The following DDX10 variants were observed in gnomAD, a reference collection of about 807,000 sequenced individuals.
DDX10 encodes the protein DEAD-box helicase 10.
Under a neutral mutation model 104.3 loss-of-function variants are expected in DDX10, and 74 were observed. The observed-to-expected ratio is 0.71, with a 90% CI of 0.59 to 0.86. The LOEUF is 0.86. Among genes scored for constraint, DDX10 ranks in the 40% least tolerant of loss-of-function variants. The pLI, the probability that DDX10 is intolerant of heterozygous loss-of-function variation, is 0.00. For missense variants in DDX10, 952 were observed against 1,040.0 expected (o/e 0.92, Z 1.16); for synonymous variants, 351 against 353.4 (o/e 0.99, Z 0.08).
intron 9 of DDX10, 119 bp downstream of exon 9, chr11:108,693,719 T>C: frequency 1.3e-6 from 1 of 769,314 alleles, no homozygotes; most frequent in African/African-American, 1.7e-5. Context: ...TGGCATTTTG[T>C]GGTGTGAGTT....
At chr11:108,693,433 G>A (rs560501559) in intron 8 of DDX10, 83 bp from the exon 9 acceptor site, 201 of 984,900 alleles carry the variant, frequency 2.0e-4, no homozygotes, top group Non-Finnish European at 3.0e-4. Context: ...GAAAAGTCCT[G>A]GCAAGCAATA....
At chr11:108,806,421 G>T (rs779918428) in intron 13 of DDX10, among the ~76,000 whole-genome samples, 9 of 152,098 alleles carry the variant, frequency 5.9e-5, no homozygotes, top group African/African-American at 9.7e-5. Context: ...TGGTATGTAG[G>T]ATATCCATAC....
intron 16 of DDX10, among the ~76,000 whole-genome samples, chr11:108,913,467 G>T (rs1227148215): frequency 1.3e-5 from 2 of 152,224 alleles, no homozygotes; most frequent in Non-Finnish European, 2.9e-5. Context: ...ATAAGCATTT[G>T]TCTCACATGA....
chr11:108,808,517 A>G (rs545631163), intron 13 of DDX10, among the ~76,000 whole-genome samples: 4 of 152,308 alleles, frequency 2.6e-5, no homozygotes, highest in Admixed American at 2.0e-4. Flanking sequence ...TCCTTTAGCC[A>G]CATTGTAGAA....
chr11:108,709,247 C>G (rs2094280773), intron 10 of DDX10, among the ~76,000 whole-genome samples: 1 of 152,170 alleles, frequency 6.6e-6, no homozygotes, highest in South Asian at 2.1e-4. Flanking sequence ...TGAGGACTTG[C>G]ATCTATCATT....
At chr11:108,748,082 A>T (rs2094334015) in intron 13 of DDX10, among the ~76,000 whole-genome samples, 1 of 152,142 alleles carries the variant, frequency 6.6e-6, no homozygotes, top group Admixed American at 6.5e-5. Flanking sequence ...AGCAAAACTA[A>T]GCAGATTTTA....
intron 16 of DDX10, among the ~76,000 whole-genome samples, chr11:108,894,002 C>T (rs746899188): frequency 6.6e-6 from 1 of 151,976 alleles, no homozygotes; most frequent in Non-Finnish European, 1.5e-5. Context: ...GTTCCCCTAT[C>T]GAAGTCCACT....
At chr11:108,796,257 A>T (rs770312026) in intron 13 of DDX10, among the ~76,000 whole-genome samples, 1 of 152,144 alleles carries the variant, frequency 6.6e-6, no homozygotes, top group Non-Finnish European at 1.5e-5. Context: ...CTGACGTTTC[A>T]TAGAGCCAAT....
intron 10 of DDX10, among the ~76,000 whole-genome samples, chr11:108,708,563 T>G (rs765979337): frequency 1.2e-4 from 17 of 139,186 alleles, no homozygotes; most frequent in Non-Finnish European, 2.4e-4. Context: ...TAAATTGGTG[T>G]TCATAGTATT....
intron 2 of DDX10, among the ~76,000 whole-genome samples, chr11:108,675,118 G>GTGTGTGTA (rs2094222467): frequency 6.6e-6 from 1 of 151,804 alleles, no homozygotes; most frequent in Admixed American, 6.6e-5. Context: ...GTGTGTGTGT[G>GTGTGTGTA]TGTGTGTATG....
intron 16 of DDX10, among the ~76,000 whole-genome samples, chr11:108,870,241 T>C (rs1206577142): frequency 6.6e-6 from 1 of 152,220 alleles, no homozygotes; most frequent in Non-Finnish European, 1.5e-5. Context: ...CATGAATTAC[T>C]AATTGTAACA....
intron 10 of DDX10, among the ~76,000 whole-genome samples, chr11:108,713,122 G>C (rs1226315199): frequency 6.6e-6 from 1 of 152,112 alleles, no homozygotes; most frequent in Non-Finnish European, 1.5e-5. Flanking sequence ...GTTTGACAGT[G>C]ATATGCCTAG....
intron 6 of DDX10, among the ~76,000 whole-genome samples, chr11:108,686,537 G>T (rs534270324): frequency 1.3e-5 from 2 of 152,246 alleles, no homozygotes; most frequent in South Asian, 4.1e-4. Flanking sequence ...ACGCATTTAA[G>T]ATTGCTCCAT....
chr11:108,691,909 C>T lies in DDX10; in HGVS notation c.1009C>T (p.Arg337Cys), dbSNP rs202183817. 55 of 1,613,944 alleles carry T rather than the reference C, an allele frequency of 3.4e-5. No individual in the cohort carries two copies. The highest frequency in any genetic ancestry group is 1.0e-4 in the Admixed American group (6 of 59,988). ...TCTGTACCGAGTGTTTTGCCGGCTACGTCCTGGTGTTTCTATCCTTGCACT... is the reference window on the plus strand; with the variant it reads ...TCTGTACCGAGTGTTTTGCCGGCTATGTCCTGGTGTTTCTATCCTTGCACT... Reference protein sequence around the residue: ...QYLYRVFCRLRPGVSILALHG... With the variant: ...QYLYRVFCRLCPGVSILALHG... The change falls in exon 8 of 18, where the codon CGT becomes TGT. Residue 337 changes from arginine to cysteine, a missense_variant. Around this residue, in one of 3 missense-constraint regions of DDX10, gnomAD observed 412 missense variants for 479.2 expected, o/e 0.86. Transcript: ENST00000322536.
chr11:108,795,931 A>G (rs953935830), intron 13 of DDX10, among the ~76,000 whole-genome samples: 10 of 152,174 alleles, frequency 6.6e-5, no homozygotes, highest in Non-Finnish European at 1.5e-4. Flanking sequence ...GTCTTCCACA[A>G]TGGTCGAACT....
intron 16 of DDX10, among the ~76,000 whole-genome samples, chr11:108,913,940 T>C (rs1471120919): frequency 6.6e-6 from 1 of 152,226 alleles, no homozygotes; most frequent in East Asian, 1.9e-4. Context: ...CCACATTTTA[T>C]TGGTCATTGT....
rs74562032 is a variant in DDX10 at position 108,735,903 on chromosome 11, C to T, written c.1965+12441C>T. Among the ~76,000 whole-genome samples, 268 of 152,162 alleles carry T rather than the reference C, an allele frequency of 1.8e-3. 8 individuals carry two copies. The East Asian group carries it at 0.044, about 25-fold the overall frequency. On this transcript the variant is annotated intron_variant, in intron 13 of 17. Transcript: ENST00000322536. ...GTAAATTAAGTGGGAACAGGGATGTCTGCATATTAAGAAATGCCTATTGTT... is the reference window on the plus strand; with the variant it reads ...GTAAATTAAGTGGGAACAGGGATGTTTGCATATTAAGAAATGCCTATTGTT...
At chr11:108,805,721 T>A (rs1195643845) in intron 13 of DDX10, among the ~76,000 whole-genome samples, 1 of 152,178 alleles carries the variant, frequency 6.6e-6, no homozygotes, top group Admixed American at 6.5e-5. Flanking sequence ...AACAAATTTC[T>A]TGGGGTCTTG....
In DDX10 at chr11:108,879,299, C is replaced by G. The variant is rs530267092; in HGVS notation, c.2304+27090C>G. Among the ~76,000 whole-genome samples, 39 of 152,086 alleles carry G rather than the reference C, an allele frequency of 2.6e-4. No individual in the cohort carries two copies. In the Middle Eastern group the frequency reaches 0.014, roughly 53 times the overall value. Reference sequence around the variant, plus strand: ...ACAGGCATGAGCCATCACATCCGGCCGAAATTTTCTAAGTCTTCTAAACAT... The same window carrying G: ...ACAGGCATGAGCCATCACATCCGGCGGAAATTTTCTAAGTCTTCTAAACAT... On this transcript the variant is annotated intron_variant, in intron 16 of 17. Coordinates refer to ENST00000322536, the MANE Select transcript of DDX10 (RefSeq NM_004398.4).
Sources: allele counts gnomAD v4.1 joint callset (sites outside exome capture counted in the v4.1 genomes callset), GRCh38; gene constraint gnomAD v4.1.1; regional missense constraint gnomAD v4.1.1; transcripts MANE v1.5; gene names NCBI Gene and HGNC (gene_info 2026-07-23, HGNC 2026-07-21).